Variants in FUT8 observed in about 807,000 individuals in gnomAD.
The protein encoded by FUT8 is alpha-(1,6)-fucosyltransferase.
In FUT8, 29 loss-of-function variants were observed where a neutral mutation model predicts 71.3. The ratio of observed to expected loss-of-function variants is 0.41; its 90% CI spans 0.30 to 0.55. FUT8 has a LOEUF of 0.55. Ranked by LOEUF, FUT8 falls within the 20% of genes least tolerant of loss-of-function variation. The probability of loss-of-function intolerance (pLI) is 0.34; values close to 1 mark genes in which losing one functional copy is unlikely to be tolerated. For missense variants in FUT8, 544 were observed against 702.1 expected, an observed-to-expected ratio of 0.77 and a Z score of 2.55; for synonymous variants, 254 against 239.3, an observed-to-expected ratio of 1.06 and a Z score of -0.57.
rs77219861 is a variant in FUT8 at position 65,736,224 on chromosome 14, G to A, written c.1410+2843G>A. Among the ~76,000 whole-genome samples the A allele has an allele frequency of 1.9e-4, 29 of 152,098 alleles. No individual in the cohort carries two copies. In the East Asian group the frequency reaches 5.4e-3, roughly 28 times the overall value. Reference sequence around the variant, plus strand: ...GGAGTTATGAAAAGTAAAGCACTGCGAATAGTACCTAGCAATACAGTGTTA... The same window carrying A: ...GGAGTTATGAAAAGTAAAGCACTGCAAATAGTACCTAGCAATACAGTGTTA... On this transcript the variant is annotated intron_variant, in intron 10 of 10. Transcript: ENST00000673929.
chr14:65,684,133 C>A (rs755642519), intron 7 of FUT8, among the ~76,000 whole-genome samples: 2 of 151,588 alleles, frequency 1.3e-5, no homozygotes, highest in African/African-American at 2.4e-5. Flanking sequence ...TATATTTTAT[C>A]GCATTTTCAG....
chr14:65,379,121 A>G, the FUT8 span, among the ~76,000 whole-genome samples: 7 of 152,026 alleles, frequency 4.6e-5, no homozygotes, highest in South Asian at 2.1e-4. Context: ...TGCTGGAATT[A>G]CATGCGTGAG....
chr14:65,422,601 C>T (rs1344064357), intron 1 of FUT8, among the ~76,000 whole-genome samples: 1 of 152,112 alleles, frequency 6.6e-6, no homozygotes, highest in Non-Finnish European at 1.5e-5. Flanking sequence ...TGGACTTAGG[C>T]AGTCCTCCTG....
At position 65,607,878 on chromosome 14, in the gene FUT8, C is replaced by A. The variant is rs561742700; in HGVS notation, c.204-8100C>A. ...GGAGATCGAGACCATTACTGGCCAA[C>A]ATGGTGAAACCCCGTCTCTACGAAA... On this transcript the variant is annotated intron_variant, in intron 3 of 10. Coordinates refer to ENST00000673929, the MANE Select transcript of FUT8 (RefSeq NM_001371533.1). The surrounding 1 kb of genome is among the most constrained non-coding windows in gnomAD (Gnocchi z 4.1). Among the ~76,000 whole-genome samples the A allele has an allele frequency of 2.5e-3, 375 of 151,816 alleles. 5 individuals are homozygous for A. In the Middle Eastern group the frequency reaches 0.028, roughly 11 times the overall value.
intron 6 of FUT8, among the ~76,000 whole-genome samples, chr14:65,656,830 G>A (rs996551607): frequency 1.3e-5 from 2 of 152,028 alleles, no homozygotes; most frequent in Non-Finnish European, 2.9e-5. Context: ...TGGAACAGGT[G>A]GAGAACCCAG....
In FUT8 at chr14:65,638,337, T is replaced by G. The variant is rs1890666821; in HGVS notation, c.597+8731T>G. On this transcript the variant is annotated intron_variant, in intron 6 of 10. Transcript: ENST00000673929. This position sits in a 1 kb window ranked among gnomAD's most constrained non-coding sequence, Gnocchi z 4.5. The stretch of plus-strand genomic sequence containing the variant: ...TTGCAATCACAGGCGTGAGCCACTG[T>G]GTCCGGCCAGAAAGATTTTTTGGTT... Among the ~76,000 whole-genome samples the G allele has an allele frequency of 6.6e-6, 1 of 152,202 alleles. No individual in the cohort carries two copies. The highest frequency in any genetic ancestry group is 1.5e-5 in the Non-Finnish European group (1 of 68,034).
the FUT8 span, among the ~76,000 whole-genome samples, chr14:65,381,165 T>A: frequency 3.0e-4 from 46 of 152,362 alleles, 1 homozygote; most frequent in South Asian, 9.3e-3. Flanking sequence ...TTTAACACTA[T>A]CTTTTTGAAG....
At chr14:65,420,924 G>A (rs988992418) in intron 1 of FUT8, among the ~76,000 whole-genome samples, 2 of 152,270 alleles carry the variant, frequency 1.3e-5, no homozygotes, top group African/African-American at 4.8e-5. Flanking sequence ...GCCGGGCGCC[G>A]TGGCTCACGC....
At chr14:65,392,075 G>A in the FUT8 span, among the ~76,000 whole-genome samples, 1 of 152,044 alleles carries the variant, frequency 6.6e-6, no homozygotes, top group Admixed American at 6.6e-5. Context: ...TGGGATTACA[G>A]GCATGTGCCA....
the FUT8 span, among the ~76,000 whole-genome samples, chr14:65,387,031 A>G: frequency 1.3e-5 from 2 of 151,900 alleles, no homozygotes; most frequent in African/African-American, 2.4e-5. Flanking sequence ...TAGTAGAGAC[A>G]GGGTTTCACC....
the FUT8 span, among the ~76,000 whole-genome samples, chr14:65,359,345 A>T: frequency 6.6e-6 from 1 of 152,232 alleles, no homozygotes; most frequent in African/African-American, 2.4e-5. Context: ...CATACATAAC[A>T]TAAAATTCAT....
At chr14:65,449,521 A>C (rs1304522062) in intron 1 of FUT8, among the ~76,000 whole-genome samples, 2 of 152,210 alleles carry the variant, frequency 1.3e-5, no homozygotes, top group Non-Finnish European at 2.9e-5. Flanking sequence ...AGGAGAAGGA[A>C]AGGAAGCAAT....
chr14:65,461,492 G>A (rs539472373), intron 2 of FUT8, among the ~76,000 whole-genome samples: 2 of 152,196 alleles, frequency 1.3e-5, no homozygotes, highest in Non-Finnish European at 2.9e-5. Context: ...TTTGCTCTCA[G>A]TGTCCATGAA....
At chr14:65,608,704 G>A (rs1331166657) in intron 3 of FUT8, among the ~76,000 whole-genome samples, 2 of 151,826 alleles carry the variant, frequency 1.3e-5, no homozygotes, top group Non-Finnish European at 1.5e-5. Flanking sequence ...TAGGAATGAG[G>A]ATCATCTACA....
rs1392828006 is a variant in FUT8 at position 65,669,307 on chromosome 14, G to T, written c.662G>T (p.Gly221Val). The change falls in exon 7 of 11, where the codon GGC becomes GTC. Residue 221 changes from glycine (G) to valine (V), a missense_variant. By Grantham distance (109) the Gly-to-Val change is moderately radical. Transcript: ENST00000673929. This position sits in a 1 kb window ranked among gnomAD's most constrained non-coding sequence, Gnocchi z 4.5. ...VCNINKGCGY[G>V]CQLHHVVYCF... ...AATATCAACAAAGGCTGTGGCTATG[G>T]CTGTCAGCTCCATCATGTGGTCTAC... The T allele has an allele frequency of 1.2e-6, 2 of 1,613,768 alleles. No homozygotes were observed. Among genetic ancestry groups the T allele is most frequent in the Non-Finnish European group, 1.7e-6 (2 of 1,179,906 alleles).
intron 1 of FUT8, among the ~76,000 whole-genome samples, chr14:65,425,234 C>G (rs1286624124): frequency 6.6e-6 from 1 of 151,136 alleles, no homozygotes; most frequent in African/African-American, 2.4e-5. Flanking sequence ...GGCACGAACT[C>G]GGCTCACCAC....
chr14:65,726,262 T>G (rs770224086), intron 9 of FUT8, among the ~76,000 whole-genome samples: 6 of 152,272 alleles, frequency 3.9e-5, no homozygotes, highest in Non-Finnish European at 7.3e-5. Context: ...ACAAGCTTTT[T>G]TCCTTGTTTT....
At chr14:65,505,893 A>G (rs1193795366) in intron 2 of FUT8, among the ~76,000 whole-genome samples, 1 of 151,984 alleles carries the variant, frequency 6.6e-6, no homozygotes, top group Non-Finnish European at 1.5e-5. Flanking sequence ...TCCTAGGAAA[A>G]CTTATTTGTC....
intron 6 of FUT8, chr14:65,646,039 C>A (rs944062406): frequency 2.0e-5 from 3 of 152,182 alleles, no homozygotes; most frequent in African/African-American, 7.2e-5. Flanking sequence ...GGCACCGAAT[C>A]CTGAGAGACA....
Sources: gnomAD v4.1 joint callset for allele counts (sites outside exome capture counted in the v4.1 genomes callset) on GRCh38, gnomAD v4.1.1 for gene constraint, Gnocchi (gnomAD v3.1) non-coding constraint, MANE v1.5 for transcripts, NCBI Gene and HGNC (gene_info 2026-07-23, HGNC 2026-07-21) for gene names.